Variants in NOX1 observed in about 807,000 individuals in gnomAD.
NOX1 encodes NADH/NADPH mitogenic oxidase subunit P65-MOX.
In NOX1, 34 loss-of-function variants were observed where a neutral mutation model predicts 42.5. The ratio of observed to expected loss-of-function variants is 0.80; its 90% CI spans 0.61 to 1.07. NOX1 has a LOEUF of 1.07. Ranked by LOEUF, NOX1 falls within the 50% of genes least tolerant of loss-of-function variation. NOX1 has a pLI of 0.00. For synonymous variants in NOX1, 143 were observed against 152.5 expected, an observed-to-expected ratio of 0.94 and a Z score of 0.46; for missense variants, 408 against 427.0, an observed-to-expected ratio of 0.96 and a Z score of 0.39.
chrX:100,864,667 A>C (rs1044601267), intron 2 of NOX1, among the ~76,000 whole-genome samples: 2 of 112,220 alleles, frequency 1.8e-5, no homozygotes, highest in African/African-American at 6.5e-5. Flanking sequence ...TCAAAGAAGC[A>C]TTTAGCCCCA....
rs1354132048 is a variant in NOX1 at position 100,862,429 on chromosome X, T to TA, written c.633dup (p.Ile212TyrfsTer26). The stretch of plus-strand genomic sequence containing the variant: ...ATCCCTAAGCCAAGGATATAGAAGA[T>TA]AAAAAGGTGGTGAGTATACCAGAAG... On this transcript the variant is annotated frameshift_variant, in exon 6 of 13. Transcript: ENST00000372966. LOFTEE classifies it high-confidence loss of function. The TA allele has an allele frequency of 1.7e-6, 2 of 1,210,989 alleles. No homozygotes were observed. The highest frequency in any genetic ancestry group is 2.2e-6 in the Non-Finnish European group (2 of 895,075).
intron 12 of NOX1, among the ~76,000 whole-genome samples, chrX:100,847,809 T>C (rs964933473): frequency 3.7e-5 from 4 of 107,834 alleles, no homozygotes; most frequent in Non-Finnish European, 5.7e-5. Flanking sequence ...ATTTGTAGCA[T>C]TGAATTGATC....
At chrX:100,852,195 G>A (rs954277616) in intron 7 of NOX1, among the ~76,000 whole-genome samples, 9 of 111,855 alleles carry the variant, frequency 8.0e-5, no homozygotes, top group African/African-American at 1.9e-4. Flanking sequence ...TTGGCCAGGC[G>A]CAGTGGCTCA....
At chrX:100,853,257 C>CTTTCTTTCTTT in intron 7 of NOX1, among the ~76,000 whole-genome samples, 1 of 25,449 alleles carries the variant, frequency 3.9e-5, no homozygotes, top group East Asian at 6.3e-4. Context: ...TTCCTTCCTT[C>CTTTCTTTCTTT]CTTCCTTTCT....
At position 100,844,096 on chromosome X, in the gene NOX1, T is replaced by C; in HGVS notation, c.1569-18A>G. ...CTACAGACCTGTAGGAACAGAACAA[T>C]AGTAAGGGCTAGAATGCAGCAATGA... On this transcript the variant is annotated intron_variant, in intron 12 of 12. Coordinates refer to ENST00000372966, the MANE Select transcript of NOX1 (RefSeq NM_007052.5). 8.7e-7 allele frequency: 1 copy of C among 1,153,037 alleles called. No individual in the cohort carries two copies. The highest frequency in any genetic ancestry group is 1.2e-6 in the Non-Finnish European group (1 of 862,625).
At chrX:100,850,106 C>T in intron 9 of NOX1, 45 bp downstream of exon 9, 1 of 1,069,426 alleles carries the variant, frequency 9.4e-7, no homozygotes, top group Non-Finnish European at 1.3e-6. Context: ...TCTTTTCTGC[C>T]AGTCTGCATC....
intron 7 of NOX1, among the ~76,000 whole-genome samples, chrX:100,857,688 T>C (rs1300913452): frequency 1.0e-5 from 1 of 97,386 alleles, no homozygotes; most frequent in African/African-American, 4.0e-5. Context: ...TTTTGAAAAG[T>C]GTTTCTTTAT....
At chrX:100,855,799 G>A (rs1287987476) in intron 7 of NOX1, 3 of 1,092,894 alleles carry the variant, frequency 2.7e-6, no homozygotes, top group Non-Finnish European at 3.8e-6. Flanking sequence ...CGACCACTTC[G>A]ACCTCTTTGG....
At chrX:100,868,378 A>G (rs1400481264) in intron 2 of NOX1, among the ~76,000 whole-genome samples, 1 of 112,234 alleles carries the variant, frequency 8.9e-6, no homozygotes, top group East Asian at 2.8e-4. Context: ...CTGTTATTGC[A>G]TAATAGACTA....
intron 1 of NOX1, among the ~76,000 whole-genome samples, chrX:100,871,429 C>T (rs1288285969): frequency 3.6e-5 from 4 of 112,556 alleles, no homozygotes; most frequent in Admixed American, 9.4e-5. Flanking sequence ...AAACAAAGAA[C>T]AAATTTAGCA....
intron 2 of NOX1, among the ~76,000 whole-genome samples, chrX:100,866,172 A>C (rs1467150830): frequency 9.3e-6 from 1 of 107,864 alleles, no homozygotes; most frequent in Non-Finnish European, 1.9e-5. Context: ...CAGTGAGCAG[A>C]GATTGCGCCA....
At chrX:100,853,312 T>TTCTCTTTC (rs1569445654) in intron 7 of NOX1, among the ~76,000 whole-genome samples, 20 of 86,418 alleles carry the variant, frequency 2.3e-4, no homozygotes, top group African/African-American at 8.4e-4. Context: ...CTTTCTTTCT[T>TTCTCTTTC]TCTTTCTTTC....
chrX:100,865,885 A>G (rs1025984432), intron 2 of NOX1, among the ~76,000 whole-genome samples: 3 of 112,316 alleles, frequency 2.7e-5, no homozygotes, highest in Non-Finnish European at 5.6e-5. Context: ...GCAACCTGGT[A>G]TGAGCTGGTT....
intron 2 of NOX1, among the ~76,000 whole-genome samples, chrX:100,867,904 A>G (rs769343316): frequency 2.7e-4 from 30 of 111,133 alleles, no homozygotes; most frequent in Non-Finnish European, 4.9e-4. Context: ...AAAGAGAAAA[A>G]AGAAAGAAGG....
intron 7 of NOX1, among the ~76,000 whole-genome samples, chrX:100,854,569 CCTAT>C (rs1220036729): frequency 9.0e-6 from 1 of 110,603 alleles, no homozygotes; most frequent in African/African-American, 3.3e-5. Context: ...TAAATAGCTC[CCTAT>C]CTTTTTTTTC....
In NOX1 at chrX:100,853,332, C is replaced by CTCTTTCTT. The variant is rs757872071; in HGVS notation, c.805-2015_805-2008dup. 3.5e-3 allele frequency among the ~76,000 whole-genome samples: 68 copies of CTCTTTCTT among 19,330 alleles called. 1 individual carries two copies. Among genetic ancestry groups the CTCTTTCTT allele is most frequent in the Middle Eastern group, 0.023 (1 of 43 alleles). 16.8% of individuals were successfully genotyped at this position (19,330 alleles called of 115,157 possible). A position where few individuals can be genotyped will look rare whatever the true frequency, so the allele number is the denominator to read the frequency against. ...TTTCTTTCTTTCTTTCTCTCTCTTT[C>CTCTTTCTT]TCTTTCTTTCTTTCTTTCTTTCTTT... On this transcript the variant is annotated intron_variant, in intron 7 of 12. Transcript: ENST00000372966.
At chrX:100,855,500 A>T (rs2085160481) in intron 7 of NOX1, 11 of 721,519 alleles carry the variant, frequency 1.5e-5, no homozygotes, top group South Asian at 1.3e-4. Flanking sequence ...AATTGCTTCC[A>T]CTACCACTGC....
chrX:100,865,926 G>A (rs1032726587), intron 2 of NOX1, among the ~76,000 whole-genome samples: 1 of 112,357 alleles, frequency 8.9e-6, no homozygotes, highest in Non-Finnish European at 1.9e-5. Context: ...CACTCACATG[G>A]AAAGATATCT....
chrX:100,868,336 T>C (rs980858210), intron 2 of NOX1, among the ~76,000 whole-genome samples: 1 of 112,125 alleles, frequency 8.9e-6, no homozygotes, highest in Admixed American at 9.4e-5. Context: ...AAAATGACAC[T>C]GTCAAGATGA....
Sources: gnomAD v4.1 joint callset for allele counts (sites outside exome capture counted in the v4.1 genomes callset) on GRCh38, gnomAD v4.1.1 for gene constraint, MANE v1.5 for transcripts, NCBI Gene and HGNC (gene_info 2026-07-23, HGNC 2026-07-21) for gene names.